Variants in ONECUT1 observed in about 807,000 individuals in gnomAD.
The protein encoded by ONECUT1 is hepatocyte nuclear factor 6.
ONECUT1 carries 12 observed loss-of-function variants against 25.6 expected under a neutral mutation model. That is an observed-to-expected ratio of 0.47 (90% CI 0.30 to 0.76). ONECUT1 has a LOEUF of 0.76. Among genes scored for constraint, ONECUT1 ranks in the 30% least tolerant of loss-of-function variants. The probability of loss-of-function intolerance (pLI) is 0.07; values close to 1 mark genes in which losing one functional copy is unlikely to be tolerated. For synonymous variants in ONECUT1, 285 were observed against 270.2 expected, an observed-to-expected ratio of 1.05 and a Z score of -0.54; for missense variants, 620 against 651.2, an observed-to-expected ratio of 0.95 and a Z score of 0.52.
rs6493579 is a variant in ONECUT1, at chr15:52,755,250, C to T, written c.*2305G>A. ...TAAATACATTATGTAGCTGTATCCC[C>T]GGCTCCCTCCATCCCTGGAGAGAGA... On this transcript the variant is annotated 3_prime_UTR_variant, in exon 2 of 2. Transcript: ENST00000305901. Among the ~76,000 whole-genome samples the T allele has an allele frequency of 9.2e-5, 14 of 151,954 alleles. No homozygotes were observed. The highest frequency in any genetic ancestry group is 1.8e-4 in the Non-Finnish European group (12 of 68,008).
intron 1 of ONECUT1, among the ~76,000 whole-genome samples, chr15:52,785,456 A>C (rs1421696562): frequency 6.6e-6 from 1 of 152,162 alleles, no homozygotes; most frequent in East Asian, 1.9e-4. Flanking sequence ...CTCGCCTCCA[A>C]GTCCCGCAGG....
intron 1 of ONECUT1, among the ~76,000 whole-genome samples, chr15:52,759,153 A>G (rs576101928): frequency 6.6e-6 from 1 of 152,120 alleles, no homozygotes; most frequent in East Asian, 1.9e-4. Context: ...GGAGGGAGGG[A>G]TTGCCATTCT....
intron 1 of ONECUT1, chr15:52,781,247 T>C (rs2083839396): frequency 6.6e-6 from 1 of 152,270 alleles, no homozygotes. Flanking sequence ...AATAATTGTT[T>C]AAGTGAACAA....
At position 52,789,113 on chromosome 15, in the gene ONECUT1, C is replaced by T. The variant is rs780334745; in HGVS notation, c.772G>A (p.Ala258Thr). Residue 258 changes from alanine (A) to threonine (T), a missense_variant, in exon 1 of 2, where the codon GCC (alanine) becomes ACC (threonine). This residue lies in a region of ONECUT1 where 440 missense variants were observed against 404.9 expected (regional missense o/e 1.09). Coordinates refer to ENST00000305901, the MANE Select transcript of ONECUT1 (RefSeq NM_004498.4). This position sits in a 1 kb window ranked among gnomAD's most constrained non-coding sequence, Gnocchi z 4.1. Reference protein sequence around the residue: ...PPHHPHAHLNAQGHGQLLGTA... With the variant: ...PPHHPHAHLNTQGHGQLLGTA... ...CCCAGGAGTTGCCCGTGGCCCTGGGCGTTCAGGTGGGCGTGGGGATGGTGC... is the reference window on the plus strand; with the variant it reads ...CCCAGGAGTTGCCCGTGGCCCTGGGTGTTCAGGTGGGCGTGGGGATGGTGC... 25 of 1,600,956 alleles carry T rather than the reference C, an allele frequency of 1.6e-5. 1 individual carries two copies. In the South Asian group the frequency reaches 2.7e-4, roughly 18 times the overall value.
chr15:52,774,489 G>A (rs978802353), intron 1 of ONECUT1, among the ~76,000 whole-genome samples: 1 of 151,952 alleles, frequency 6.6e-6, no homozygotes, highest in South Asian at 2.1e-4. Flanking sequence ...TAGTAGAGAC[G>A]GGGTTTCACC....
intron 1 of ONECUT1, among the ~76,000 whole-genome samples, chr15:52,778,988 G>T (rs2141459257): frequency 7.1e-6 from 1 of 140,472 alleles, no homozygotes; most frequent in East Asian, 2.0e-4. Flanking sequence ...AATCCAGAGA[G>T]GGTTTTCTTT....
At chr15:52,770,420 T>G (rs1482857626) in intron 1 of ONECUT1, among the ~76,000 whole-genome samples, 1 of 152,238 alleles carries the variant, frequency 6.6e-6, no homozygotes, top group Non-Finnish European at 1.5e-5. Context: ...AAGACGAAGA[T>G]TCTGATTCGG....
At chr15:52,774,706 T>C (rs1170362515) in intron 1 of ONECUT1, among the ~76,000 whole-genome samples, 5 of 152,184 alleles carry the variant, frequency 3.3e-5, no homozygotes. Context: ...AAAAATTTAC[T>C]AAGGCTATGT....
rs777195442 is a variant in ONECUT1 at position 52,789,203 on chromosome 15, G to A, written c.682C>T (p.Arg228Cys). 5 of 1,564,226 alleles carry A rather than the reference G, an allele frequency of 3.2e-6. No individual in the cohort carries two copies. The South Asian group carries it at 5.9e-5, about 18-fold the overall frequency. ...GGCGTGAGGTGCTGCTCCCCGTGGC[G>A]GCCGAGCATGGCCGGGTGGTGGGCT... is the stretch of plus-strand genomic sequence containing the variant. Reference protein sequence around the residue: ...FEAHHPAMLGRHGEQHLTPTS... With the variant: ...FEAHHPAMLGCHGEQHLTPTS... Residue 228 changes from arginine (R) to cysteine (C), a missense_variant, in exon 1 of 2, where the codon CGC (arginine) becomes TGC (cysteine). Physicochemically the swap from Arg to Cys is radical, Grantham distance 180. Around this residue, in one of 4 missense-constraint regions of ONECUT1, gnomAD observed 440 missense variants for 404.9 expected, o/e 1.09. Coordinates refer to ENST00000305901, the MANE Select transcript of ONECUT1 (RefSeq NM_004498.4). This position sits in a 1 kb window ranked among gnomAD's most constrained non-coding sequence, Gnocchi z 4.1.
chr15:52,759,332 G>A (rs2083691791), intron 1 of ONECUT1, among the ~76,000 whole-genome samples: 1 of 152,010 alleles, frequency 6.6e-6, no homozygotes, highest in African/African-American at 2.4e-5. Flanking sequence ...TTTCCAGCTG[G>A]GTAGATCCTG....
intron 1 of ONECUT1, among the ~76,000 whole-genome samples, chr15:52,771,286 T>C (rs990944264): frequency 1.3e-5 from 2 of 152,050 alleles, no homozygotes; most frequent in Admixed American, 6.6e-5. Flanking sequence ...AATGAACAAA[T>C]AAATATAGTA....
At chr15:52,773,013 G>C (rs2141454527) in intron 1 of ONECUT1, among the ~76,000 whole-genome samples, 1 of 152,316 alleles carries the variant, frequency 6.6e-6, no homozygotes, top group East Asian at 1.9e-4. Context: ...AGAGTTTCTA[G>C]CCAGAGTTTC....
rs1229995989 is a variant in ONECUT1 at position 52,784,883 on chromosome 15, G to A, written c.1105+3897C>T. Among the ~76,000 whole-genome samples, 1 of 152,236 alleles carries A rather than the reference G, an allele frequency of 6.6e-6. No homozygotes were observed. The highest frequency in any genetic ancestry group is 6.5e-5 in the Admixed American group (1 of 15,292). On this transcript the variant is annotated intron_variant, in intron 1 of 1. Coordinates refer to ENST00000305901, the MANE Select transcript of ONECUT1 (RefSeq NM_004498.4). This position sits in a 1 kb window ranked among gnomAD's most constrained non-coding sequence, Gnocchi z 5.0. ...TTCGGAGGAGGCGCTCCCAGCTGGC[G>A]GCGCCCCTCGCCCCGGGCTCAGAGG...
chr15:52,770,575 C>T (rs1011955840), intron 1 of ONECUT1, among the ~76,000 whole-genome samples: 4 of 152,174 alleles, frequency 2.6e-5, no homozygotes, highest in African/African-American at 9.7e-5. Flanking sequence ...AATACATCAA[C>T]ATCGCCTGGG....
At chr15:52,775,758 A>G (rs2083795923) in intron 1 of ONECUT1, among the ~76,000 whole-genome samples, 1 of 152,204 alleles carries the variant, frequency 6.6e-6, no homozygotes, top group Non-Finnish European at 1.5e-5. Flanking sequence ...AGGAAAGTAA[A>G]ATGTGTTTTC....
intron 1 of ONECUT1, among the ~76,000 whole-genome samples, chr15:52,777,486 T>C (rs2083808250): frequency 6.6e-6 from 1 of 152,286 alleles, no homozygotes; most frequent in South Asian, 2.1e-4. Flanking sequence ...TTTGTGTCAC[T>C]CAGCTGTGCT....
chr15:52,761,121 G>C (rs1225934877), intron 1 of ONECUT1, among the ~76,000 whole-genome samples: 1 of 152,028 alleles, frequency 6.6e-6, no homozygotes, highest in Non-Finnish European at 1.5e-5. Flanking sequence ...GTTGGTTTAA[G>C]GACCCTCACC....
intron 1 of ONECUT1, among the ~76,000 whole-genome samples, chr15:52,761,994 G>A (rs1234708655): frequency 6.6e-6 from 1 of 152,206 alleles, no homozygotes; most frequent in Admixed American, 6.5e-5. Context: ...CTGGAGTTCA[G>A]GGGAGAGATC....
intron 1 of ONECUT1, among the ~76,000 whole-genome samples, chr15:52,766,687 G>T (rs954290031): frequency 3.9e-5 from 6 of 152,210 alleles, no homozygotes; most frequent in African/African-American, 9.7e-5. Context: ...TTGTCTCCTT[G>T]TGTGTATCAG....
Sources: allele counts gnomAD v4.1 joint callset (sites outside exome capture counted in the v4.1 genomes callset), GRCh38; gene constraint gnomAD v4.1.1; regional missense constraint gnomAD v4.1.1; non-coding constraint Gnocchi (gnomAD v3.1); transcripts MANE v1.5; gene names NCBI Gene and HGNC (gene_info 2026-07-23, HGNC 2026-07-21).